The following L3MBTL4 variants were observed in gnomAD, a reference collection of about 807,000 sequenced individuals.
The protein encoded by L3MBTL4 is lethal(3)malignant brain tumor-like protein 4.
Under a neutral mutation model 84.5 loss-of-function variants are expected in L3MBTL4, and 70 were observed. The ratio of observed to expected loss-of-function variants is 0.83; its 90% CI spans 0.68 to 1.01. The LOEUF (loss-of-function observed/expected upper bound fraction) is 1.01. Ranked by LOEUF, L3MBTL4 falls within the 50% of genes least tolerant of loss-of-function variation. The pLI is 0.00. For missense variants in L3MBTL4, 715 were observed against 754.8 expected (o/e 0.95, Z 0.62); for synonymous variants, 274 against 259.8 (o/e 1.05, Z -0.52).
At chr18:6,331,722 GAAGT>G (rs921032547) in intron 1 of L3MBTL4, among the ~76,000 whole-genome samples, 1 of 151,988 alleles carries the variant, frequency 6.6e-6, no homozygotes, top group African/African-American at 2.4e-5. Flanking sequence ...ATGTGAAAAA[GAAGT>G]AAATACAAAA....
At position 5,969,383 on chromosome 18, in the gene L3MBTL4, C is replaced by G; in HGVS notation, c.1614+10G>C. On this transcript the variant is annotated intron_variant, in intron 17 of 18. Coordinates refer to ENST00000317931, the MANE Select transcript of L3MBTL4 (RefSeq NM_001330559.2). ...CACCCCAGCCCTGGCCCCCCAGCAG[C>G]TCCACTCACCTCATCCACAGTCCAA... is the stretch of plus-strand genomic sequence containing the variant. 1.9e-6 allele frequency: 3 copies of G among 1,613,760 alleles called. No individual in the cohort carries two copies. The highest frequency in any genetic ancestry group is 2.5e-6 in the Non-Finnish European group (3 of 1,179,978).
At chr18:6,351,195 C>T (rs1032238500) in intron 1 of L3MBTL4, among the ~76,000 whole-genome samples, 2 of 151,850 alleles carry the variant, frequency 1.3e-5, no homozygotes, top group African/African-American at 4.8e-5. Context: ...GACTCCATCT[C>T]GAAAAAAGCG....
chr18:6,313,420 A>T (rs1352450769), intron 1 of L3MBTL4, among the ~76,000 whole-genome samples: 1 of 152,230 alleles, frequency 6.6e-6, no homozygotes, highest in Non-Finnish European at 1.5e-5. Flanking sequence ...TAAACAAAAA[A>T]ACACTTCTTT....
At position 5,955,316 on chromosome 18, in the gene L3MBTL4, A is replaced by C; in HGVS notation, c.*904T>G. On this transcript the variant is annotated 3_prime_UTR_variant, in exon 19 of 19. Transcript: ENST00000317931. ...TGTCTCCATTTGTAAAGATGCACACAGCCCCAGATGTAATATAACACAGCT... is the reference window on the plus strand; with the variant it reads ...TGTCTCCATTTGTAAAGATGCACACCGCCCCAGATGTAATATAACACAGCT... 6.6e-6 allele frequency: 1 copy of C among 152,380 alleles called. No individual in the cohort carries two copies. Among genetic ancestry groups the C allele is most frequent in the Non-Finnish European group, 1.5e-5 (1 of 68,040 alleles). The allele number at this position is 152,380 out of a possible 1,614,324, so 9.4% of individuals were successfully genotyped here.
At chr18:6,049,125 C>T (rs1289397793) in intron 16 of L3MBTL4, among the ~76,000 whole-genome samples, 3 of 149,398 alleles carry the variant, frequency 2.0e-5, no homozygotes, top group Non-Finnish European at 4.5e-5. Flanking sequence ...GTTCTCCAAA[C>T]AAAAGAAAAA....
chr18:6,146,172 T>C (rs2042642875), intron 13 of L3MBTL4, among the ~76,000 whole-genome samples: 1 of 152,214 alleles, frequency 6.6e-6, no homozygotes, highest in African/African-American at 2.4e-5. Context: ...TGGCAAGCAC[T>C]GCGTGGAGAG....
intron 13 of L3MBTL4, among the ~76,000 whole-genome samples, chr18:6,165,394 T>C (rs1188475678): frequency 2.0e-5 from 3 of 151,868 alleles, no homozygotes; most frequent in East Asian, 3.9e-4. Flanking sequence ...TTCACCAAAG[T>C]TGAAATGAAG....
intron 12 of L3MBTL4, among the ~76,000 whole-genome samples, chr18:6,185,960 C>CTATTTTTTTTATAT (rs976327212): frequency 6.9e-6 from 1 of 145,786 alleles, no homozygotes; most frequent in African/African-American, 2.7e-5. Flanking sequence ...AGGGCACTTT[C>CTATTTTTTTTATAT]TTTATTTTAT....
In L3MBTL4 at chr18:6,337,330, T is replaced by C. The variant is rs534527952; in HGVS notation, c.-90-25274A>G. On this transcript the variant is annotated intron_variant, in intron 1 of 18. Coordinates refer to ENST00000317931, the MANE Select transcript of L3MBTL4 (RefSeq NM_001330559.2). Reference sequence around the variant, plus strand: ...ATACAAATATCAAACAAAAGACATATAGGAATGTTCACAGTGTACTTATAA... The same window carrying C: ...ATACAAATATCAAACAAAAGACATACAGGAATGTTCACAGTGTACTTATAA... 5.9e-5 allele frequency among the ~76,000 whole-genome samples: 9 copies of C among 152,102 alleles called. No homozygotes were observed. In the South Asian group the frequency reaches 6.2e-4, roughly 11 times the overall value.
intron 16 of L3MBTL4, among the ~76,000 whole-genome samples, chr18:6,010,998 A>C (rs750016882): frequency 2.3e-4 from 35 of 152,350 alleles, no homozygotes; most frequent in Non-Finnish European, 4.1e-4. Context: ...TAATCTGCTA[A>C]TGTTGGTCTC....
chr18:6,065,621 TC>T (rs1359141441), intron 16 of L3MBTL4, among the ~76,000 whole-genome samples: 4 of 152,082 alleles, frequency 2.6e-5, no homozygotes, highest in African/African-American at 9.7e-5. Flanking sequence ...CTCTAGGGTT[TC>T]TAGTTTGTGT....
At chr18:5,984,116 TG>T (rs1206342669) in intron 16 of L3MBTL4, among the ~76,000 whole-genome samples, 2 of 152,180 alleles carry the variant, frequency 1.3e-5, no homozygotes, top group African/African-American at 4.8e-5. Context: ...TTCACCATGT[TG>T]GCCAGGCTGG....
intron 3 of L3MBTL4, 56 bp downstream of exon 3, chr18:6,311,498 T>C (rs1038182905): frequency 7.1e-7 from 1 of 1,409,766 alleles, no homozygotes; most frequent in Non-Finnish European, 1.0e-6. Flanking sequence ...TATTCCATGG[T>C]GCATTTTGGT....
At chr18:6,246,112 C>T (rs2047655109) in intron 5 of L3MBTL4, among the ~76,000 whole-genome samples, 1 of 152,108 alleles carries the variant, frequency 6.6e-6, no homozygotes, top group South Asian at 2.1e-4. Context: ...TTTCTGACCC[C>T]TCTCTTATGT....
chr18:6,010,500 T>A (rs2054684249), intron 16 of L3MBTL4, among the ~76,000 whole-genome samples: 1 of 152,182 alleles, frequency 6.6e-6, no homozygotes, highest in Non-Finnish European at 1.5e-5. Flanking sequence ...GCATAAATGA[T>A]CGCTGTAGTC....
chr18:6,115,994 TG>T lies in L3MBTL4; in HGVS notation c.1199+22199del, dbSNP rs556014030. 4.6e-5 allele frequency among the ~76,000 whole-genome samples: 7 copies of T among 152,260 alleles called. No homozygotes were observed. The South Asian group carries it at 1.2e-3, about 27-fold the overall frequency. ...CAGAGAGGAGGACCAGAAAGAACCCTGAGCAACAGCATCTTGGGAGTGGGTC... is the reference window on the plus strand; with the variant it reads ...CAGAGAGGAGGACCAGAAAGAACCCTAGCAACAGCATCTTGGGAGTGGGTC... On this transcript the variant is annotated intron_variant, in intron 14 of 18. Transcript: ENST00000317931.
chr18:6,097,533 G>A (rs1343358316), intron 14 of L3MBTL4, among the ~76,000 whole-genome samples: 1 of 152,106 alleles, frequency 6.6e-6, no homozygotes, highest in Non-Finnish European at 1.5e-5. Context: ...TCTTTCCACG[G>A]CAGGGGTACC....
intron 1 of L3MBTL4, among the ~76,000 whole-genome samples, chr18:6,315,877 T>C (rs1038747131): frequency 6.6e-6 from 1 of 152,240 alleles, no homozygotes; most frequent in African/African-American, 2.4e-5. Flanking sequence ...TATTTTGGAA[T>C]CTTAAAATAT....
intron 16 of L3MBTL4, among the ~76,000 whole-genome samples, chr18:5,970,890 C>T (rs1214530651): frequency 6.6e-6 from 1 of 152,226 alleles, no homozygotes; most frequent in African/African-American, 2.4e-5. Flanking sequence ...GCTTGTCCAT[C>T]ACTGGGCTTC....
Sources: gnomAD v4.1 joint callset for allele counts (sites outside exome capture counted in the v4.1 genomes callset) on GRCh38, gnomAD v4.1.1 for gene constraint, MANE v1.5 for transcripts, NCBI Gene and HGNC (gene_info 2026-07-23, HGNC 2026-07-21) for gene names.